GNG12: variants seen among roughly 807,000 people sequenced by gnomAD.
GNG12 encodes guanine nucleotide-binding protein G(I)/G(S)/G(O) subunit gamma-12.
For missense variants in GNG12, 69 were observed against 83.8 expected (o/e 0.82, Z 0.69); for synonymous variants, 28 against 29.7 (o/e 0.94, Z 0.19).
intron 1 of GNG12, among the ~76,000 whole-genome samples, chr1:67,787,300 C>T (rs1448215409): frequency 6.6e-6 from 1 of 151,920 alleles, no homozygotes. Flanking sequence ...GAGGGAGGTA[C>T]AAGTAAGGTA....
At chr1:67,706,588 C>G (rs942114619) in intron 3 of GNG12, among the ~76,000 whole-genome samples, 1 of 151,966 alleles carries the variant, frequency 6.6e-6, no homozygotes, top group African/African-American at 2.4e-5. Flanking sequence ...GCTGGGAAGA[C>G]AGGTGACTAT....
chr1:67,714,683 T>C (rs968447749), intron 2 of GNG12, among the ~76,000 whole-genome samples: 1 of 152,186 alleles, frequency 6.6e-6, no homozygotes, highest in Non-Finnish European at 1.5e-5. Context: ...AGTGGAAAAC[T>C]ACATCTTCCA....
chr1:67,706,720 A>G (rs1557590588), intron 3 of GNG12, among the ~76,000 whole-genome samples: 2 of 144,716 alleles, frequency 1.4e-5, no homozygotes, highest in Non-Finnish European at 3.0e-5. Flanking sequence ...CAATGGCGCG[A>G]TCTTGGTTCA....
chr1:67,715,867 A>C (rs967818212), intron 2 of GNG12, among the ~76,000 whole-genome samples: 4 of 152,336 alleles, frequency 2.6e-5, no homozygotes, highest in Admixed American at 2.6e-4. Context: ...AATATTAGCT[A>C]TTATTTGGAT....
At chr1:67,788,484 T>G (rs1207169841) in intron 1 of GNG12, among the ~76,000 whole-genome samples, 1 of 151,918 alleles carries the variant, frequency 6.6e-6, no homozygotes, top group South Asian at 2.1e-4. Flanking sequence ...CAGGGGCACT[T>G]CACCACACCC....
chr1:67,748,854 G>T (rs1027931340), intron 2 of GNG12, among the ~76,000 whole-genome samples: 13 of 152,066 alleles, frequency 8.5e-5, no homozygotes, highest in African/African-American at 2.9e-4. Flanking sequence ...ATTTGATCCT[G>T]CCCTGTACTG....
chr1:67,819,964 TA>T (rs1270053983), intron 1 of GNG12, among the ~76,000 whole-genome samples: 1 of 152,158 alleles, frequency 6.6e-6, no homozygotes, highest in Non-Finnish European at 1.5e-5. Flanking sequence ...CCTGCTTTGC[TA>T]CCTTCACAGC....
At chr1:67,729,446 A>G (rs962618321) in intron 2 of GNG12, among the ~76,000 whole-genome samples, 1 of 152,166 alleles carries the variant, frequency 6.6e-6, no homozygotes, top group Non-Finnish European at 1.5e-5. Flanking sequence ...TCAAAACTTT[A>G]GTTCTGTTTC....
chr1:67,710,633 A>G (rs565898699), intron 2 of GNG12, among the ~76,000 whole-genome samples: 5 of 152,158 alleles, frequency 3.3e-5, no homozygotes, highest in Admixed American at 6.5e-5. Flanking sequence ...CATTTAGTAC[A>G]TGAAGGTCTT....
chr1:67,778,045 A>G (rs1646716347), intron 1 of GNG12, among the ~76,000 whole-genome samples: 1 of 150,552 alleles, frequency 6.6e-6, no homozygotes, highest in Non-Finnish European at 1.5e-5. Context: ...CTATTAAAAC[A>G]TAATATTGAA....
chr1:67,739,734 C>A (rs1646472207), intron 2 of GNG12, among the ~76,000 whole-genome samples: 1 of 152,184 alleles, frequency 6.6e-6, no homozygotes, highest in Non-Finnish European at 1.5e-5. Flanking sequence ...CAAACCAGAG[C>A]AGATCAGAGC....
chr1:67,797,889 G>A (rs1188258852), intron 1 of GNG12, among the ~76,000 whole-genome samples: 2 of 152,156 alleles, frequency 1.3e-5, no homozygotes, highest in African/African-American at 4.8e-5. Context: ...AAACAGGGCT[G>A]AGGTGACACG....
chr1:67,783,723 C>G (rs890482790), intron 1 of GNG12, among the ~76,000 whole-genome samples: 8 of 152,178 alleles, frequency 5.3e-5, no homozygotes, highest in Non-Finnish European at 1.5e-5. Flanking sequence ...AAATGCTCAT[C>G]ATCACTGGCC....
At chr1:67,758,630 T>C (rs1000606504) in intron 2 of GNG12, among the ~76,000 whole-genome samples, 3 of 152,182 alleles carry the variant, frequency 2.0e-5, no homozygotes, top group African/African-American at 7.2e-5. Flanking sequence ...CCCTGGCTTT[T>C]AGATGCTTGA....
At chr1:67,802,138 C>T (rs769202521) in intron 1 of GNG12, among the ~76,000 whole-genome samples, 1 of 152,066 alleles carries the variant, frequency 6.6e-6, no homozygotes, top group Non-Finnish European at 1.5e-5. Flanking sequence ...GATTTCAAGC[C>T]TGGGTGACCA....
intron 2 of GNG12, among the ~76,000 whole-genome samples, chr1:67,738,747 A>G (rs2100709413): frequency 6.6e-6 from 1 of 152,338 alleles, no homozygotes; most frequent in African/African-American, 2.4e-5. Flanking sequence ...GCATGATGGC[A>G]TGTGCCTGTG....
intron 2 of GNG12, among the ~76,000 whole-genome samples, chr1:67,715,296 G>C (rs1646319263): frequency 1.3e-5 from 2 of 152,318 alleles, no homozygotes; most frequent in African/African-American, 4.8e-5. Context: ...CAGACGTCTA[G>C]CTTCCAGAAA....
intron 2 of GNG12, among the ~76,000 whole-genome samples, chr1:67,732,534 A>G (rs193254416): frequency 1.0e-3 from 158 of 152,034 alleles, no homozygotes; most frequent in African/African-American, 3.4e-3. Context: ...AGAACAAAAC[A>G]CTCCATTGGG....
At chr1:67,772,463 C>A (rs1646680326) in intron 2 of GNG12, 1 of 152,210 alleles carries the variant, frequency 6.6e-6, no homozygotes, top group Non-Finnish European at 1.5e-5. Context: ...TGAAGAATGT[C>A]TAAACTAGTG....
Sources: allele counts gnomAD v4.1 joint callset (sites outside exome capture counted in the v4.1 genomes callset), GRCh38; gene constraint gnomAD v4.1.1; transcripts MANE v1.5; gene names NCBI Gene and HGNC (gene_info 2026-07-23, HGNC 2026-07-21).